Variants in SEZ6 observed in about 807,000 individuals in gnomAD.
SEZ6 encodes the protein seizure protein 6 homolog.
A neutral mutation model predicts 101.0 loss-of-function variants in SEZ6; 53 were observed. The ratio of observed to expected loss-of-function variants is 0.52; its 90% CI spans 0.42 to 0.66. The LOEUF is 0.66. Ranked by LOEUF, SEZ6 falls within the 30% of genes least tolerant of loss-of-function variation. The pLI is 0.00. For missense variants in SEZ6, 1,102 were observed against 1,289.4 expected, an observed-to-expected ratio of 0.85 and a Z score of 2.23; for synonymous variants, 488 against 512.2, an observed-to-expected ratio of 0.95 and a Z score of 0.64.
intron 1 of SEZ6, among the ~76,000 whole-genome samples, chr17:28,993,659 C>T (rs1387383632): frequency 3.9e-5 from 6 of 152,186 alleles, no homozygotes; most frequent in Admixed American, 3.3e-4. Flanking sequence ...CCTACTGCCT[C>T]GCTCCACATA....
chr17:28,992,399 GGTGT>G (rs139422004), intron 1 of SEZ6, among the ~76,000 whole-genome samples: 3 of 151,440 alleles, frequency 2.0e-5, no homozygotes, highest in Non-Finnish European at 3.0e-5. Context: ...CATGAGACCG[GGTGT>G]GTGTGTGTGT....
rs2041672417 is a variant in SEZ6, at chr17:29,005,302, C to G, written c.55+513G>C. ...ATGGGGAGGTGAGCGAGGTCCCAAC[C>G]CCGGGTCCGGCCGCCATCCGGCCCC... On this transcript the variant is annotated intron_variant, in intron 1 of 16. Coordinates refer to ENST00000317338, the MANE Select transcript of SEZ6 (RefSeq NM_178860.5). The surrounding 1 kb of genome is among the most constrained non-coding windows in gnomAD (Gnocchi z 4.8). 6.6e-6 allele frequency among the ~76,000 whole-genome samples: 1 copy of G among 152,142 alleles called. No homozygotes were observed. Among genetic ancestry groups the G allele is most frequent in the East Asian group, 1.9e-4 (1 of 5,156 alleles).
At chr17:28,976,802 C>T (rs1376228984) in intron 3 of SEZ6, among the ~76,000 whole-genome samples, 1 of 152,226 alleles carries the variant, frequency 6.6e-6, no homozygotes, top group Non-Finnish European at 1.5e-5. Context: ...GCCTGCCGCA[C>T]CTGCTGCTGC....
intron 5 of SEZ6, among the ~76,000 whole-genome samples, chr17:28,962,362 A>G (rs1441457405): frequency 3.3e-5 from 5 of 152,044 alleles, no homozygotes; most frequent in African/African-American, 1.2e-4. Flanking sequence ...CTTTACTCCT[A>G]TTGTAGCATC....
At chr17:29,006,062 T>C (rs1598222041), upstream of SEZ6, 1 of 382,992 alleles carries the variant, frequency 2.6e-6, no homozygotes, top group Non-Finnish European at 4.3e-6. Flanking sequence ...GCGCCGGGGA[T>C]CGCCGAGCGG....
rs764127349 is a variant in SEZ6 at position 28,963,962 on chromosome 17, C to T, written c.1240G>A (p.Ala414Thr). Residue 414 changes from alanine to threonine, a missense_variant and splice_region_variant, in exon 5 of 17, where the codon GCT becomes ACT. By Grantham distance (58) the Ala-to-Thr change is moderately conservative. Coordinates refer to ENST00000317338, the MANE Select transcript of SEZ6 (RefSeq NM_178860.5). ...FWDSKEPVCI[A>T]ACGGVIRNAT... ...TGAGCCCTTTCCCCTGGGCACTCACCGATGCAGACGGGCTCCTTTGAATCC... is the reference window on the plus strand; with the variant it reads ...TGAGCCCTTTCCCCTGGGCACTCACTGATGCAGACGGGCTCCTTTGAATCC... The T allele has an allele frequency of 2.4e-5, 39 of 1,609,672 alleles. No homozygotes were observed. The highest frequency in any genetic ancestry group is 1.7e-4 in the Middle Eastern group (1 of 6,060).
Position 29,005,975 on chromosome 17 carries a change from G to T in SEZ6, c.-106C>A. 3 of 1,006,106 alleles carry T rather than the reference G, an allele frequency of 3.0e-6. No individual in the cohort carries two copies. Among genetic ancestry groups the T allele is most frequent in the South Asian group, 3.4e-5 (1 of 29,408 alleles). 62.3% of individuals were successfully genotyped at this position (1,006,106 alleles called of 1,614,324 possible). On this transcript the variant is annotated 5_prime_UTR_variant, in exon 1 of 17. Transcript: ENST00000317338. The surrounding 1 kb of genome is among the most constrained non-coding windows in gnomAD (Gnocchi z 4.8). ...AGCCGGGTCCGGCCGGGTAGAGGGAGCGGGGCCGCAGCCGTCACCGCCGCT... is the reference window on the plus strand; with the variant it reads ...AGCCGGGTCCGGCCGGGTAGAGGGATCGGGGCCGCAGCCGTCACCGCCGCT...
chr17:28,982,697 G>A (rs965464070), intron 1 of SEZ6, among the ~76,000 whole-genome samples: 4 of 151,796 alleles, frequency 2.6e-5, no homozygotes, highest in South Asian at 2.1e-4. Flanking sequence ...TGTGTGGCCC[G>A]GGCTGCAATG....
At chr17:28,985,197 C>A (rs1263543012) in intron 1 of SEZ6, among the ~76,000 whole-genome samples, 1 of 152,240 alleles carries the variant, frequency 6.6e-6, no homozygotes, top group African/African-American at 2.4e-5. Context: ...AGACAACACT[C>A]CAGCCAGTTG....
At chr17:28,964,617 C>A (rs2041034579) in intron 4 of SEZ6, among the ~76,000 whole-genome samples, 1 of 152,148 alleles carries the variant, frequency 6.6e-6, no homozygotes, top group Non-Finnish European at 1.5e-5. Context: ...AAAACCTATA[C>A]AGATGTAAAG....
At chr17:28,963,677 C>G (rs28753890) in intron 5 of SEZ6, among the ~76,000 whole-genome samples, 2,997 of 152,312 alleles carry the variant, frequency 0.02, 90 homozygotes, top group African/African-American at 0.068. Context: ...TTTACTTCTT[C>G]CCCTGGAAAT....
chr17:28,964,158 A>G lies in SEZ6; in HGVS notation c.1055-11T>C. 1.9e-6 allele frequency: 3 copies of G among 1,564,496 alleles called. No homozygotes were observed. Among genetic ancestry groups the G allele is most frequent in the Non-Finnish European group, 2.6e-6 (3 of 1,153,942 alleles). On this transcript the variant is annotated splice_polypyrimidine_tract_variant and intron_variant, in intron 4 of 16. Transcript: ENST00000317338. Reference sequence around the variant, plus strand: ...AGCTCAGGAGATAGGCTGCAAACAGAGAACGGGTGACACTGTGTATGTGTG... The same window carrying G: ...AGCTCAGGAGATAGGCTGCAAACAGGGAACGGGTGACACTGTGTATGTGTG...
intron 5 of SEZ6, among the ~76,000 whole-genome samples, chr17:28,961,357 C>G (rs1313291731): frequency 1.3e-5 from 2 of 152,130 alleles, no homozygotes; most frequent in Non-Finnish European, 2.9e-5. Context: ...CTTCAACCTT[C>G]TTGGATACAT....
At chr17:28,965,266 C>T (rs1054435383) in intron 4 of SEZ6, among the ~76,000 whole-genome samples, 1 of 152,130 alleles carries the variant, frequency 6.6e-6, no homozygotes, top group African/African-American at 2.4e-5. Flanking sequence ...GCAGGAGAAT[C>T]GCTTGAACCC....
chr17:28,979,626 A>G, intron 3 of SEZ6, 54 bp downstream of exon 3: 1 of 1,611,766 alleles, frequency 6.2e-7, no homozygotes, highest in Non-Finnish European at 8.5e-7. Flanking sequence ...GCCTCTCTGA[A>G]GAAAGAGAAT....
chr17:28,993,994 A>T lies in SEZ6; in HGVS notation c.55+11821T>A, dbSNP rs71368116. Among the ~76,000 whole-genome samples the T allele has an allele frequency of 4.1e-3, 620 of 152,366 alleles. 2 individuals carry two copies. Among genetic ancestry groups the T allele is most frequent in the Non-Finnish European group, 7.1e-3 (484 of 68,028 alleles). Reference sequence around the variant, plus strand: ...CCCTGTGGTTACTTTTGTCTGCTGCATCTGGGAGGAGATGAAGTTGGAGAG... The same window carrying T: ...CCCTGTGGTTACTTTTGTCTGCTGCTTCTGGGAGGAGATGAAGTTGGAGAG... On this transcript the variant is annotated intron_variant, in intron 1 of 16. Coordinates refer to ENST00000317338, the MANE Select transcript of SEZ6 (RefSeq NM_178860.5).
intron 1 of SEZ6, among the ~76,000 whole-genome samples, chr17:28,999,438 AG>A (rs2041585535): frequency 6.8e-6 from 1 of 147,902 alleles, no homozygotes; most frequent in Non-Finnish European, 1.5e-5. Context: ...CCTTCCTGCC[AG>A]ACTGCCTGCC....
At chr17:28,976,220 G>T (rs905545534) in intron 3 of SEZ6, among the ~76,000 whole-genome samples, 3 of 152,228 alleles carry the variant, frequency 2.0e-5, no homozygotes, top group Non-Finnish European at 4.4e-5. Context: ...GATGAAGCAG[G>T]TTATGAGAGG....
intron 3 of SEZ6, among the ~76,000 whole-genome samples, chr17:28,978,600 A>T (rs533139100): frequency 6.6e-6 from 1 of 152,260 alleles, no homozygotes; most frequent in Non-Finnish European, 1.5e-5. Context: ...GGTTTGGCCC[A>T]TTCAGTTAGC....
Sources: allele counts gnomAD v4.1 joint callset (sites outside exome capture counted in the v4.1 genomes callset), GRCh38; gene constraint gnomAD v4.1.1; non-coding constraint Gnocchi (gnomAD v3.1); transcripts MANE v1.5; gene names NCBI Gene and HGNC (gene_info 2026-07-23, HGNC 2026-07-21).